The following ZMYND8 variants were observed in gnomAD, a reference collection of about 807,000 sequenced individuals.
ZMYND8 encodes zinc finger MYND-type containing 8.
A neutral mutation model predicts 140.8 loss-of-function variants in ZMYND8; 37 were observed. That is an observed-to-expected ratio of 0.26 (90% CI 0.20 to 0.35). The LOEUF is 0.35. Among genes scored for constraint, ZMYND8 ranks in the 10% least tolerant of loss-of-function variants. The pLI is 1.00. For synonymous variants in ZMYND8, 592 were observed against 597.1 expected, an observed-to-expected ratio of 0.99 and a Z score of 0.12; for missense variants, 1,068 against 1,570.0, an observed-to-expected ratio of 0.68 and a Z score of 5.40.
At chr20:47,274,925 G>C (rs539193006) in intron 11 of ZMYND8, among the ~76,000 whole-genome samples, 1 of 152,256 alleles carries the variant, frequency 6.6e-6, no homozygotes, top group Non-Finnish European at 1.5e-5. Flanking sequence ...TAACTCTTGG[G>C]GACATTCATG....
At chr20:47,344,319 A>G (rs2082164630) in intron 2 of ZMYND8, among the ~76,000 whole-genome samples, 2 of 152,150 alleles carry the variant, frequency 1.3e-5, no homozygotes, top group South Asian at 2.1e-4. Context: ...CCTTGATGTG[A>G]TATGATGAAA....
At chr20:47,257,889 ACT>A (rs2074872065) in intron 12 of ZMYND8, among the ~76,000 whole-genome samples, 1 of 151,932 alleles carries the variant, frequency 6.6e-6, no homozygotes, top group Admixed American at 6.6e-5. Flanking sequence ...ACAGGGTCTC[ACT>A]CTCTCACCCA....
At position 47,239,083 on chromosome 20, in the gene ZMYND8, T is replaced by C. The variant is rs779095508; in HGVS notation, c.2340A>G (p.Thr780=). Reference sequence around the variant, plus strand: ...GGGCGGAAGAGCGGGTGAGCACCGGTGTTTCCGGGGGAGAATGGCTGCCCA... The same window carrying C: ...GGGCGGAAGAGCGGGTGAGCACCGGCGTTTCCGGGGGAGAATGGCTGCCCA... ...TTVGSHSPPE[T]PVLTRSSAQT... is the part of the protein sequence containing the mutation. The change falls in exon 15 of 23, where the codon ACA becomes ACG. Residue 780 remains threonine (T), a synonymous_variant. Transcript: ENST00000471951. 9 of 1,538,968 alleles carry C rather than the reference T, an allele frequency of 5.8e-6. No individual in the cohort carries two copies. The highest frequency in any genetic ancestry group is 7.9e-6 in the Non-Finnish European group (9 of 1,144,008).
chr20:47,349,306 C>G (rs1291182487), intron 1 of ZMYND8, among the ~76,000 whole-genome samples: 1 of 152,098 alleles, frequency 6.6e-6, no homozygotes, highest in Non-Finnish European at 1.5e-5. Flanking sequence ...GATTTTGAAC[C>G]CCGTTAACAA....
At chr20:47,316,737 G>A (rs2079428187) in intron 2 of ZMYND8, among the ~76,000 whole-genome samples, 1 of 151,386 alleles carries the variant, frequency 6.6e-6, no homozygotes, top group Non-Finnish European at 1.5e-5. Context: ...GGAGGTTGTG[G>A]TGAGCCAAGA....
At position 47,213,644 on chromosome 20, in the gene ZMYND8, T is replaced by C. The variant is rs140900850; in HGVS notation, c.3485-919A>G. Reference sequence around the variant, plus strand: ...AGGGGTGGGAGAGGTAAGGAGAAGATGGACTGCCAAAAGAGGGGTCAAGAG... The same window carrying C: ...AGGGGTGGGAGAGGTAAGGAGAAGACGGACTGCCAAAAGAGGGGTCAAGAG... On this transcript the variant is annotated intron_variant, in intron 21 of 22. Transcript: ENST00000471951. Among the ~76,000 whole-genome samples, 169 of 152,230 alleles carry C rather than the reference T, an allele frequency of 1.1e-3. No individual in the cohort carries two copies. In the South Asian group the frequency reaches 0.021, roughly 19 times the overall value.
intron 9 of ZMYND8, 82 bp from the exon 10 acceptor site, chr20:47,282,299 G>T: frequency 8.2e-7 from 1 of 1,219,468 alleles, no homozygotes; most frequent in Non-Finnish European, 1.2e-6. Context: ...TGAGGATGAA[G>T]CAGGACTGTG....
chr20:47,215,905 A>C (rs997686869), intron 21 of ZMYND8, among the ~76,000 whole-genome samples: 5 of 152,218 alleles, frequency 3.3e-5, no homozygotes, highest in African/African-American at 1.2e-4. Context: ...TCTATTGGAG[A>C]TGCAAGGTGT....
intron 21 of ZMYND8, among the ~76,000 whole-genome samples, chr20:47,219,203 G>C (rs959569187): frequency 6.7e-6 from 1 of 149,210 alleles, no homozygotes; most frequent in African/African-American, 2.5e-5. Context: ...GATTACAGGC[G>C]CATGTCACCA....
intron 21 of ZMYND8, among the ~76,000 whole-genome samples, chr20:47,217,933 G>A (rs1040356726): frequency 1.3e-5 from 2 of 151,336 alleles, no homozygotes; most frequent in South Asian, 2.1e-4. Context: ...CCACTCCCTG[G>A]GCCAGTGTGC....
chr20:47,246,338 C>T lies in ZMYND8; in HGVS notation c.1954G>A (p.Val652Ile). ...GCQMDKEPSA[V>I]KKKPKPTNPV... ...TTTGTAGGCTTGGGCTTTTTTTTAACAGCAGATGGCTCTTTGTCCATCTGA... is the reference window on the plus strand; with the variant it reads ...TTTGTAGGCTTGGGCTTTTTTTTAATAGCAGATGGCTCTTTGTCCATCTGA... Residue 652 changes from valine to isoleucine, a missense_variant, in exon 14 of 23, where the codon GTT (valine) becomes ATT (isoleucine). By Grantham distance (29) the Val-to-Ile change is conservative. Coordinates refer to ENST00000471951, the MANE Select transcript of ZMYND8 (RefSeq NM_001281775.3). 1 of 1,613,986 alleles carries T rather than the reference C, an allele frequency of 6.2e-7. No individual in the cohort carries two copies. The highest frequency in any genetic ancestry group is 8.5e-7 in the Non-Finnish European group (1 of 1,179,980).
At position 47,315,693 on chromosome 20, in the gene ZMYND8, G is replaced by A. The variant is rs1414725914; in HGVS notation, c.86-5489C>T. Among the ~76,000 whole-genome samples the A allele has an allele frequency of 3.9e-5, 6 of 152,242 alleles. No individual in the cohort carries two copies. The East Asian group carries it at 9.7e-4, about 25-fold the overall frequency. ...AATTCTGACAAGGATGTATTGCCCA[G>A]TGCATTTCATCTATAAACTTTGAAC... On this transcript the variant is annotated intron_variant, in intron 2 of 22. Transcript: ENST00000471951.
chr20:47,211,001 C>T, intron 22 of ZMYND8, 104 bp from the exon 23 acceptor site: 1 of 1,489,334 alleles, frequency 6.7e-7, no homozygotes, highest in Non-Finnish European at 9.1e-7. Flanking sequence ...CCACCTTCCC[C>T]TCCCAATTGA....
intron 12 of ZMYND8, among the ~76,000 whole-genome samples, chr20:47,261,105 C>T (rs1049333822): frequency 3.9e-5 from 6 of 152,122 alleles, no homozygotes; most frequent in Admixed American, 2.0e-4. Context: ...CCTGTAATCC[C>T]AGCTACTCGG....
chr20:47,287,836 CA>C (rs1318300347), intron 7 of ZMYND8, among the ~76,000 whole-genome samples: 1 of 105,528 alleles, frequency 9.5e-6, no homozygotes, highest in Non-Finnish European at 1.8e-5. Flanking sequence ...TAGAAAAAAA[CA>C]ACACACACAC....
At chr20:47,266,913 T>C (rs2147643612) in intron 11 of ZMYND8, among the ~76,000 whole-genome samples, 1 of 152,312 alleles carries the variant, frequency 6.6e-6, no homozygotes, top group South Asian at 2.1e-4. Flanking sequence ...GGTAAGTACC[T>C]ATCCAAAATT....
At chr20:47,324,102 T>C (rs886931408) in intron 2 of ZMYND8, among the ~76,000 whole-genome samples, 2 of 146,226 alleles carry the variant, frequency 1.4e-5, no homozygotes, top group African/African-American at 5.2e-5. Context: ...CTCGGGGGGC[T>C]AAGGCAGGAG....
At position 47,298,272 on chromosome 20, in the gene ZMYND8, A is replaced by C. The variant is rs1030343907; in HGVS notation, c.453+457T>G. The C allele has an allele frequency of 1.0e-6, 1 of 985,438 alleles. No homozygotes were observed. The highest frequency in any genetic ancestry group is 1.2e-6 in the Non-Finnish European group (1 of 829,930). The allele number at this position is 985,438 out of a possible 1,614,324, so 61.0% of individuals were successfully genotyped here. On this transcript the variant is annotated intron_variant, in intron 4 of 22. Transcript: ENST00000471951. The surrounding 1 kb of genome is among the most constrained non-coding windows in gnomAD (Gnocchi z 5.0). ...TCAAGAAATACTTGTTGCACAAAAG[A>C]AAGCACCAGACGGCCACTACAGGGA...
At chr20:47,288,120 A>C (rs978253935) in intron 7 of ZMYND8, among the ~76,000 whole-genome samples, 23 of 152,156 alleles carry the variant, frequency 1.5e-4, no homozygotes, top group African/African-American at 5.3e-4. Context: ...TCACACACAC[A>C]AACACACAAT....
Sources: allele counts gnomAD v4.1 joint callset (sites outside exome capture counted in the v4.1 genomes callset), GRCh38; gene constraint gnomAD v4.1.1; non-coding constraint Gnocchi (gnomAD v3.1); transcripts MANE v1.5; gene names NCBI Gene and HGNC (gene_info 2026-07-23, HGNC 2026-07-21).